The following TMEFF2 variants were observed in gnomAD, a reference collection of about 807,000 sequenced individuals.
The protein encoded by TMEFF2 is tomoregulin-2.
Under a neutral mutation model 53.8 loss-of-function variants are expected in TMEFF2, and 28 were observed. The ratio of observed to expected loss-of-function variants is 0.52; its 90% CI spans 0.39 to 0.71. The LOEUF is 0.71. Ranked by LOEUF, TMEFF2 falls within the 30% of genes least tolerant of loss-of-function variation. The pLI, the probability that TMEFF2 is intolerant of heterozygous loss-of-function variation, is 0.00. For missense variants in TMEFF2, 353 were observed against 455.2 expected, an observed-to-expected ratio of 0.78 and a Z score of 2.04; for synonymous variants, 162 against 166.3, an observed-to-expected ratio of 0.97 and a Z score of 0.20.
At chr2:192,113,400 C>T (rs2105957783) in intron 4 of TMEFF2, among the ~76,000 whole-genome samples, 1 of 152,158 alleles carries the variant, frequency 6.6e-6, no homozygotes, top group Non-Finnish European at 1.5e-5. Context: ...TATCACATAT[C>T]ATATGTTATC....
chr2:192,027,292 G>C (rs944394757), intron 5 of TMEFF2, among the ~76,000 whole-genome samples: 1 of 152,136 alleles, frequency 6.6e-6, no homozygotes, highest in Admixed American at 6.6e-5. Flanking sequence ...TTAAATCAAA[G>C]TTCCACTGCA....
chr2:192,194,556 G>A lies in TMEFF2; in HGVS notation c.-32C>T, dbSNP rs77458552. ...TTCGTGCAACTCTGCAGCAGCAAAC[G>A]GCTTCCGAGGAACACAGGATCGCGG... On this transcript the variant is annotated 5_prime_UTR_variant, in exon 1 of 10. Transcript: ENST00000272771. This position sits in a 1 kb window ranked among gnomAD's most constrained non-coding sequence, Gnocchi z 4.2. 132 of 1,600,648 alleles carry A rather than the reference G, an allele frequency of 8.2e-5. No homozygotes were observed. The African/African-American group carries it at 1.5e-3, about 18-fold the overall frequency.
chr2:192,191,809 G>T, intron 2 of TMEFF2, 71 bp downstream of exon 2: 1 of 1,101,550 alleles, frequency 9.1e-7, no homozygotes, highest in Non-Finnish European at 1.4e-6. Flanking sequence ...CCAAGTGATA[G>T]GCTGTAAAGG....
intron 4 of TMEFF2, among the ~76,000 whole-genome samples, chr2:192,132,045 C>A (rs973813232): frequency 6.6e-6 from 1 of 152,108 alleles, no homozygotes; most frequent in Admixed American, 6.5e-5. Flanking sequence ...AGTCCCAACC[C>A]CAAGCGTCAC....
chr2:192,009,659 C>T (rs1686580944), intron 5 of TMEFF2, among the ~76,000 whole-genome samples: 1 of 151,808 alleles, frequency 6.6e-6, no homozygotes. Context: ...TAATAAATAT[C>T]ATATTTGAAT....
chr2:192,179,130 T>C (rs2106033187), intron 4 of TMEFF2: 1 of 151,416 alleles, frequency 6.6e-6, no homozygotes. Flanking sequence ...ATAGATTTAA[T>C]CAAGGAAGCA....
chr2:192,126,159 G>A (rs1435690261), intron 4 of TMEFF2, among the ~76,000 whole-genome samples: 1 of 152,038 alleles, frequency 6.6e-6, no homozygotes, highest in Non-Finnish European at 1.5e-5. Context: ...TCAACCCAGT[G>A]GTAAAAATAA....
At chr2:192,113,455 G>A (rs1574384107) in intron 4 of TMEFF2, among the ~76,000 whole-genome samples, 1 of 152,022 alleles carries the variant, frequency 6.6e-6, no homozygotes, top group African/African-American at 2.4e-5. Context: ...TGGTCTTATG[G>A]TTACGCAAAG....
intron 4 of TMEFF2, among the ~76,000 whole-genome samples, chr2:192,147,026 C>G (rs560473190): frequency 6.6e-6 from 1 of 152,094 alleles, no homozygotes; most frequent in South Asian, 2.1e-4. Context: ...AATTAAAATA[C>G]TCAGTCTATA....
chr2:192,023,427 G>C (rs1686900692), intron 5 of TMEFF2, among the ~76,000 whole-genome samples: 1 of 152,146 alleles, frequency 6.6e-6, no homozygotes, highest in East Asian at 1.9e-4. Flanking sequence ...TTTTGAGAGA[G>C]AGGTGACAAC....
At chr2:192,037,273 T>TAAAGAAAG (rs58233148) in intron 5 of TMEFF2, among the ~76,000 whole-genome samples, 17,469 of 94,244 alleles carry the variant, frequency 0.19, 2,178 homozygotes, top group Non-Finnish European at 0.21. Context: ...CTAGCCAAAA[T>TAAAGAAAG]AAAGAAAGAA....
intron 5 of TMEFF2, among the ~76,000 whole-genome samples, chr2:192,018,518 C>T (rs1320298955): frequency 7.9e-5 from 12 of 152,024 alleles, no homozygotes; most frequent in Admixed American, 7.9e-4. Flanking sequence ...TTTTATTCAA[C>T]CATTACTTAA....
intron 5 of TMEFF2, among the ~76,000 whole-genome samples, chr2:192,017,200 G>A (rs1686762988): frequency 6.6e-6 from 1 of 152,196 alleles, no homozygotes; most frequent in African/African-American, 2.4e-5. Flanking sequence ...GGAGAGGAGT[G>A]CAGTGAGGCT....
intron 4 of TMEFF2, among the ~76,000 whole-genome samples, chr2:192,058,203 T>C (rs540832711): frequency 1.6e-3 from 243 of 152,338 alleles, no homozygotes; most frequent in Non-Finnish European, 3.0e-3. Flanking sequence ...AAAGTTTTCA[T>C]GTATAATTTT....
At chr2:192,074,466 ATC>A (rs1467100983) in intron 4 of TMEFF2, among the ~76,000 whole-genome samples, 43 of 151,998 alleles carry the variant, frequency 2.8e-4, no homozygotes, top group Non-Finnish European at 4.7e-4. Flanking sequence ...TATTTTATAT[ATC>A]TTTTTGGTTA....
chr2:192,073,690 T>C (rs1688344488), intron 4 of TMEFF2, among the ~76,000 whole-genome samples: 1 of 152,002 alleles, frequency 6.6e-6, no homozygotes, highest in African/African-American at 2.4e-5. Context: ...TTTTTTGGTT[T>C]GTCTCTGAGG....
chr2:192,191,900 TCA>T lies in TMEFF2; in HGVS notation c.260_261del (p.Val87AspfsTer11), dbSNP rs781440784. The stretch of plus-strand genomic sequence containing the variant: ...CTTACCTTGAACTGACAGACGCAAG[TCA>T]CAGTGTCTCCAATTCTTAAACATTC... ...DGECLRIGDTVTCVCQFKCNN... is the reference protein window; with the variant it reads ...DGECLRIGDTXTCVCQFKCNN... On this transcript the variant is annotated frameshift_variant, in exon 2 of 10. Coordinates refer to ENST00000272771, the MANE Select transcript of TMEFF2 (RefSeq NM_016192.4). LOFTEE classifies it high-confidence loss of function. 3.7e-6 allele frequency: 6 copies of T among 1,612,406 alleles called. No individual in the cohort carries two copies. Among genetic ancestry groups the T allele is most frequent in the Non-Finnish European group, 5.1e-6 (6 of 1,178,592 alleles).
chr2:191,986,959 GA>G (rs1685992773), intron 7 of TMEFF2, among the ~76,000 whole-genome samples: 1 of 151,830 alleles, frequency 6.6e-6, no homozygotes, highest in Admixed American at 6.6e-5. Flanking sequence ...GGGAACGGGA[GA>G]ATTCAAGAAT....
At chr2:192,034,027 T>A (rs935391074) in intron 5 of TMEFF2, among the ~76,000 whole-genome samples, 2 of 151,956 alleles carry the variant, frequency 1.3e-5, no homozygotes, top group Non-Finnish European at 2.9e-5. Context: ...TACAAAAAAT[T>A]AGCCGGGCGT....
Sources: gnomAD v4.1 joint callset for allele counts (sites outside exome capture counted in the v4.1 genomes callset) on GRCh38, gnomAD v4.1.1 for gene constraint, Gnocchi (gnomAD v3.1) non-coding constraint, MANE v1.5 for transcripts, NCBI Gene and HGNC (gene_info 2026-07-23, HGNC 2026-07-21) for gene names.